Variants in GFRA2 observed in about 807,000 individuals in gnomAD.
GFRA2 encodes GDNF family receptor alpha-2.
A neutral mutation model predicts 48.3 loss-of-function variants in GFRA2; 17 were observed. That is an observed-to-expected ratio of 0.35 (90% CI 0.24 to 0.53). The LOEUF (loss-of-function observed/expected upper bound fraction) is 0.53, where lower values mean the gene tolerates loss of function less well. Ranked by LOEUF, GFRA2 falls within the 20% of genes least tolerant of loss-of-function variation. The pLI is 0.93. For synonymous variants in GFRA2, 305 were observed against 257.2 expected, an observed-to-expected ratio of 1.19 and a Z score of -1.78; for missense variants, 660 against 637.3, an observed-to-expected ratio of 1.04 and a Z score of -0.38.
At chr8:21,727,546 C>A (rs911333485) in intron 4 of GFRA2, among the ~76,000 whole-genome samples, 15 of 152,222 alleles carry the variant, frequency 9.9e-5, no homozygotes, top group Admixed American at 2.0e-4. Flanking sequence ...CGGCCCCCCC[C>A]AGGAGACAGG....
chr8:21,800,891 A>C (rs1807758091), intron 2 of GFRA2, among the ~76,000 whole-genome samples: 1 of 148,824 alleles, frequency 6.7e-6, no homozygotes, highest in African/African-American at 2.5e-5. Context: ...GCACCCCTGC[A>C]CTCCAGCCTG....
At chr8:21,780,420 C>A (rs1040169768) in intron 2 of GFRA2, among the ~76,000 whole-genome samples, 4 of 152,096 alleles carry the variant, frequency 2.6e-5, no homozygotes, top group Admixed American at 6.5e-5. Flanking sequence ...CACCTCTCCC[C>A]AGCACCTTCT....
intron 2 of GFRA2, among the ~76,000 whole-genome samples, chr8:21,775,648 C>G (rs944299871): frequency 1.3e-5 from 2 of 152,202 alleles, no homozygotes; most frequent in Non-Finnish European, 2.9e-5. Flanking sequence ...TCTTTGCCCC[C>G]CATCGTGTCA....
chr8:21,749,944 G>A (rs889611304), intron 4 of GFRA2, among the ~76,000 whole-genome samples: 1 of 152,110 alleles, frequency 6.6e-6, no homozygotes, highest in Non-Finnish European at 1.5e-5. Flanking sequence ...GCAGAGCCTA[G>A]AACATAGTAA....
At chr8:21,706,501 A>C in intron 4 of GFRA2, 1 of 455,122 alleles carries the variant, frequency 2.2e-6, no homozygotes, top group Admixed American at 2.4e-5. Flanking sequence ...TCCCTTCCCT[A>C]GATGCTTCAT....
chr8:21,748,485 C>T (rs746803841), intron 4 of GFRA2, among the ~76,000 whole-genome samples: 2 of 152,158 alleles, frequency 1.3e-5, no homozygotes, highest in Non-Finnish European at 2.9e-5. Flanking sequence ...AGTCACCTAG[C>T]CCCATCAAGG....
intron 1 of GFRA2, among the ~76,000 whole-genome samples, chr8:21,787,263 C>CGGGGG (rs1212097090): frequency 2.0e-5 from 1 of 49,206 alleles, no homozygotes; most frequent in Non-Finnish European, 3.7e-5. Context: ...TTGGAGGCGG[C>CGGGGG]GGGGGGGGCA....
intron 4 of GFRA2, among the ~76,000 whole-genome samples, chr8:21,749,727 C>G (rs565260126): frequency 1.3e-5 from 2 of 151,400 alleles, no homozygotes; most frequent in South Asian, 2.1e-4. Context: ...CTGATCCAGT[C>G]TAGTTTCAGG....
At chr8:21,799,959 G>A (rs965025508) in intron 2 of GFRA2, among the ~76,000 whole-genome samples, 56 of 152,334 alleles carry the variant, frequency 3.7e-4, no homozygotes, top group Admixed American at 3.5e-3. Flanking sequence ...CAGAGCCTCT[G>A]TACCTCTGGC....
chr8:21,698,773 C>A (rs1585223074), intron 7 of GFRA2, among the ~76,000 whole-genome samples: 1 of 151,704 alleles, frequency 6.6e-6, no homozygotes, highest in African/African-American at 2.4e-5. Flanking sequence ...GCACAGCAGA[C>A]CCCCACTCAG....
rs1802674320 is a variant in GFRA2 at position 21,705,087 on chromosome 8, T to C, written c.943A>G (p.Thr315Ala). The change falls in exon 6 of 9, where the codon ACT becomes GCT. Residue 315 changes from threonine to alanine, a missense_variant. Physicochemically the swap from Thr to Ala is moderately conservative, Grantham distance 58. Transcript: ENST00000524240. ...CACCAGGGGGACACCACGATGCCAGTGGGGCTGGAGTCCACATAGTTAGGT... is the reference window on the plus strand; with the variant it reads ...CACCAGGGGGACACCACGATGCCAGCGGGGCTGGAGTCCACATAGTTAGGT... ...MTPNYVDSSPTGIVVSPWCSC... is the reference protein window; with the variant it reads ...MTPNYVDSSPAGIVVSPWCSC... 1.2e-6 allele frequency: 2 copies of C among 1,610,870 alleles called. No homozygotes were observed. The highest frequency in any genetic ancestry group is 4.5e-5 in the East Asian group (2 of 44,818).
intron 2 of GFRA2, among the ~76,000 whole-genome samples, chr8:21,802,495 C>T (rs1807789249): frequency 6.6e-6 from 1 of 152,122 alleles, no homozygotes; most frequent in Non-Finnish European, 1.5e-5. Context: ...GCTGGGACTA[C>T]AGATGTGCAC....
chr8:21,805,069 G>A (rs183810241), exon 2 of GFRA2: 12 of 152,322 alleles, frequency 7.9e-5, no homozygotes, highest in Admixed American at 1.3e-4. Flanking sequence ...AGTTGTCTCC[G>A]GGTGATGAAA....
chr8:21,711,528 C>CAG (rs960970761), intron 4 of GFRA2, among the ~76,000 whole-genome samples: 21 of 150,630 alleles, frequency 1.4e-4, no homozygotes, highest in Admixed American at 3.3e-4. Context: ...CAGCAGGAGA[C>CAG]AGAGAGAGAG....
At chr8:21,763,950 AACACACAC>A (rs527247743) in intron 3 of GFRA2, among the ~76,000 whole-genome samples, 8,139 of 123,186 alleles carry the variant, frequency 0.066, 401 homozygotes, top group East Asian at 0.11. Flanking sequence ...GTCACTAGGT[AACACACAC>A]ACACACACAC....
At chr8:21,760,200 A>C (rs1563252705) in intron 3 of GFRA2, among the ~76,000 whole-genome samples, 1 of 152,210 alleles carries the variant, frequency 6.6e-6, no homozygotes, top group Non-Finnish European at 1.5e-5. Flanking sequence ...TAAGAACTTC[A>C]GATTTTATTC....
At chr8:21,745,239 T>C (rs1185945318) in intron 4 of GFRA2, among the ~76,000 whole-genome samples, 3 of 152,188 alleles carry the variant, frequency 2.0e-5, no homozygotes, top group Admixed American at 2.0e-4. Flanking sequence ...CTGGAAGAGC[T>C]TCCCCCAAGA....
chr8:21,772,965 C>T lies in GFRA2; in HGVS notation c.439+2007G>A, dbSNP rs939254581. Among the ~76,000 whole-genome samples the T allele has an allele frequency of 3.5e-4, 53 of 152,294 alleles. 1 individual carries two copies. The highest frequency in any genetic ancestry group is 6.5e-4 in the Non-Finnish European group (44 of 68,018). On this transcript the variant is annotated intron_variant, in intron 3 of 8. Transcript: ENST00000524240. ...ACCTGTGCACGCAGTAGTAATCTGCCGGTACCTGAGCTTCACACAGAGTAG... is the reference window on the plus strand; with the variant it reads ...ACCTGTGCACGCAGTAGTAATCTGCTGGTACCTGAGCTTCACACAGAGTAG...
At chr8:21,701,559 C>G (rs1802481687) in intron 7 of GFRA2, among the ~76,000 whole-genome samples, 1 of 152,134 alleles carries the variant, frequency 6.6e-6, no homozygotes, top group Admixed American at 6.5e-5. Flanking sequence ...GCTGTCCTGC[C>G]CAGACTGACT....
Sources: gnomAD v4.1 joint callset for allele counts (sites outside exome capture counted in the v4.1 genomes callset) on GRCh38, gnomAD v4.1.1 for gene constraint, MANE v1.5 for transcripts, NCBI Gene and HGNC (gene_info 2026-07-23, HGNC 2026-07-21) for gene names.